Variants in SNX29 observed in about 807,000 individuals in gnomAD.
The protein encoded by SNX29 is sorting nexin 29, also known as sorting nexin-29.
A neutral mutation model predicts 102.1 loss-of-function variants in SNX29; 78 were observed. The ratio of observed to expected loss-of-function variants is 0.76; its 90% confidence interval spans 0.64 to 0.92. The LOEUF (loss-of-function observed/expected upper bound fraction) is 0.92, where lower values mean the gene tolerates loss of function less well. SNX29 is among the 40% of genes least tolerant of loss of function. SNX29 has a pLI of 0.00. For missense variants in SNX29, 1,280 were observed against 1,061.7 expected (o/e 1.21, Z -2.86); for synonymous variants, 580 against 414.5 (o/e 1.40, Z -4.85).
intron 14 of SNX29, among the ~76,000 whole-genome samples, chr16:12,211,067 A>G (rs2077171391): frequency 6.6e-6 from 1 of 152,048 alleles, no homozygotes; most frequent in African/African-American, 2.4e-5. Flanking sequence ...CACTTTTTAC[A>G]CAGACTCCAA....
chr16:12,006,399 T>C lies in SNX29; in HGVS notation c.122+3356T>C, dbSNP rs550219631. On this transcript the variant is annotated intron_variant, in intron 3 of 20. Transcript: ENST00000566228. ...GCATGGTGGCACATGCCTGTAATCCTAGCTAAGCAGGGAGGCTGAGGCAGG... is the reference window on the plus strand; with the variant it reads ...GCATGGTGGCACATGCCTGTAATCCCAGCTAAGCAGGGAGGCTGAGGCAGG... Among the ~76,000 whole-genome samples, 534 of 150,850 alleles carry C rather than the reference T, an allele frequency of 3.5e-3. 2 individuals carry two copies. Among genetic ancestry groups the C allele is most frequent in the African/African-American group, 0.013 (516 of 41,070 alleles).
intron 18 of SNX29, among the ~76,000 whole-genome samples, chr16:12,435,935 G>A (rs993218754): frequency 6.6e-6 from 1 of 152,180 alleles, no homozygotes; most frequent in African/African-American, 2.4e-5. Context: ...TGGGAACAGC[G>A]ACGCCACACA....
intron 14 of SNX29, among the ~76,000 whole-genome samples, chr16:12,271,166 A>G (rs2079081567): frequency 6.6e-6 from 1 of 152,268 alleles, no homozygotes; most frequent in Admixed American, 6.5e-5. Flanking sequence ...AACAACAAAC[A>G]TTTACAATCT....
In SNX29 at chr16:12,098,102, CA is replaced by C. The variant is rs1458809713; in HGVS notation, c.1402+19188del. On this transcript the variant is annotated intron_variant, in intron 11 of 20. Coordinates refer to ENST00000566228, the MANE Select transcript of SNX29 (RefSeq NM_032167.5). This position sits in a 1 kb window ranked among gnomAD's most constrained non-coding sequence, Gnocchi z 6.0. ...GTGCAGTGCCCGCACACGCTGGGCC[CA>C]GAGGACGCTCAGTACGTGGCCGGGG... 1.3e-5 allele frequency among the ~76,000 whole-genome samples: 2 copies of C among 152,340 alleles called. No homozygotes were observed. Among genetic ancestry groups the C allele is most frequent in the African/African-American group, 4.8e-5 (2 of 41,574 alleles).
At chr16:12,090,604 G>A (rs2052478918) in intron 11 of SNX29, among the ~76,000 whole-genome samples, 1 of 152,150 alleles carries the variant, frequency 6.6e-6, no homozygotes, top group South Asian at 2.1e-4. Context: ...ATGCTGCCTG[G>A]TTTCCCATTT....
In SNX29 at chr16:12,181,182, C is replaced by T. The variant is rs143115616; in HGVS notation, c.1596-18419C>T. Among the ~76,000 whole-genome samples the T allele has an allele frequency of 3.1e-3, 479 of 152,220 alleles. 3 individuals are homozygous for T. The highest frequency in any genetic ancestry group is 9.9e-3 in the African/African-American group (412 of 41,514). ...TGGCCCACCACGCTTTTATGAACCC[C>T]GAATATCTGAGACAGGCCTCAGTTA... On this transcript the variant is annotated intron_variant, in intron 13 of 20. Coordinates refer to ENST00000566228, the MANE Select transcript of SNX29 (RefSeq NM_032167.5).
chr16:12,024,319 T>TA lies in SNX29; in HGVS notation c.123-3001_123-3000insA, dbSNP rs200179417. On this transcript the variant is annotated intron_variant, in intron 3 of 20. Transcript: ENST00000566228. The stretch of plus-strand genomic sequence containing the variant: ...ACACCCAGCTCATTTTATATATATA[T>TA]TTTTTTAGTAGAAATGGGGTTTCAC... Among the ~76,000 whole-genome samples the TA allele has an allele frequency of 6.1e-3, 928 of 151,978 alleles. 8 individuals are homozygous for TA. Among genetic ancestry groups the TA allele is most frequent in the African/African-American group, 0.021 (869 of 41,448 alleles).
chr16:12,398,533 C>T, intron 17 of SNX29, 32 bp downstream of exon 17: 3 of 1,612,844 alleles, frequency 1.9e-6, no homozygotes, highest in South Asian at 2.2e-5. Context: ...ACAAGGGGTC[C>T]TTTAGAAACT....
At chr16:12,324,232 T>C (rs1441609167) in intron 15 of SNX29, among the ~76,000 whole-genome samples, 1 of 151,852 alleles carries the variant, frequency 6.6e-6, no homozygotes, top group Admixed American at 6.6e-5. Flanking sequence ...CTCAGAAAAC[T>C]GAGCAGCCCA....
At chr16:12,110,636 A>AAAAAC (rs1878331413) in intron 11 of SNX29, among the ~76,000 whole-genome samples, 1 of 152,016 alleles carries the variant, frequency 6.6e-6, no homozygotes, top group Non-Finnish European at 1.5e-5. Context: ...CCAGGCTTTT[A>AAAAAC]AAAACACCCT....
intron 20 of SNX29, chr16:12,526,657 G>A (rs960258875): frequency 1.3e-5 from 7 of 522,920 alleles, no homozygotes; most frequent in South Asian, 6.4e-5. Flanking sequence ...TTAGCCTCTC[G>A]CGGAGTCATC....
chr16:12,384,341 T>A (rs1477512184), intron 16 of SNX29, among the ~76,000 whole-genome samples: 1 of 152,230 alleles, frequency 6.6e-6, no homozygotes, highest in African/African-American at 2.4e-5. Flanking sequence ...CCATCAACAG[T>A]GTACAAGGCT....
intron 3 of SNX29, among the ~76,000 whole-genome samples, chr16:12,003,901 G>A (rs943002141): frequency 2.6e-5 from 4 of 152,036 alleles, no homozygotes; most frequent in African/African-American, 9.6e-5. Context: ...CAGGGTCTTG[G>A]GAGGCTGAGG....
chr16:12,327,408 G>A (rs887755044), intron 15 of SNX29, among the ~76,000 whole-genome samples: 3 of 152,170 alleles, frequency 2.0e-5, no homozygotes, highest in Non-Finnish European at 4.4e-5. Context: ...CCGGAGGCTG[G>A]AAGGCTGAGA....
chr16:12,510,703 G>A (rs1045043596), intron 19 of SNX29, among the ~76,000 whole-genome samples: 2 of 151,570 alleles, frequency 1.3e-5, no homozygotes, highest in East Asian at 1.9e-4. Flanking sequence ...AAACAAGCAT[G>A]AACTAGCCTT....
intron 1 of SNX29, chr16:11,977,117 C>A (rs915248613): frequency 2.6e-5 from 9 of 347,522 alleles, no homozygotes; most frequent in Non-Finnish European, 4.6e-5. Context: ...AGTGTCCAGA[C>A]CCCCAGTTCT....
chr16:12,420,998 C>A (rs961229627), intron 18 of SNX29, among the ~76,000 whole-genome samples: 8 of 152,172 alleles, frequency 5.3e-5, no homozygotes, highest in Non-Finnish European at 1.0e-4. Context: ...ATGCGGGGTA[C>A]TTTTTCTGCG....
chr16:12,508,352 C>T (rs1266511027), intron 19 of SNX29, among the ~76,000 whole-genome samples: 2 of 152,226 alleles, frequency 1.3e-5, no homozygotes, highest in East Asian at 3.8e-4. Context: ...CCGGTGTCAC[C>T]TCTCAGTAGC....
intron 11 of SNX29, among the ~76,000 whole-genome samples, chr16:12,102,678 C>G (rs1196434362): frequency 1.3e-5 from 2 of 152,158 alleles, no homozygotes; most frequent in South Asian, 2.1e-4. Flanking sequence ...TCTCGCCACT[C>G]CTATTCAACA....
Sources: gnomAD v4.1 joint callset for allele counts (sites outside exome capture counted in the v4.1 genomes callset) on GRCh38, gnomAD v4.1.1 for gene constraint, Gnocchi (gnomAD v3.1) non-coding constraint, MANE v1.5 for transcripts, NCBI Gene and HGNC (gene_info 2026-07-23, HGNC 2026-07-21) for gene names.